RAB33A: variants seen among roughly 807,000 people sequenced by gnomAD.
The protein encoded by RAB33A is ras-related protein Rab-33A.
A neutral mutation model predicts 12.0 loss-of-function variants in RAB33A; 6 were observed. The observed-to-expected ratio is 0.50, with a 90% CI of 0.27 to 0.99. The LOEUF (loss-of-function observed/expected upper bound fraction) is 0.99, where lower values mean the gene tolerates loss of function less well. Ranked by LOEUF, RAB33A falls within the 50% of genes least tolerant of loss-of-function variation. The probability of loss-of-function intolerance (pLI) is 0.11; values close to 1 mark genes in which losing one functional copy is unlikely to be tolerated. For synonymous variants in RAB33A, 70 were observed against 82.4 expected, an observed-to-expected ratio of 0.85 and a Z score of 0.81; for missense variants, 109 against 192.0, an observed-to-expected ratio of 0.57 and a Z score of 2.55.
chrX:130,129,406 A>T, the RAB33A span: 2 of 511,668 alleles, frequency 3.9e-6, no homozygotes, highest in Non-Finnish European at 7.0e-6. Context: ...GTGAACATTA[A>T]GAATTTACCT....
At chrX:130,183,424 G>A (rs1254916212) in intron 1 of RAB33A, among the ~76,000 whole-genome samples, 4 of 108,196 alleles carry the variant, frequency 3.7e-5, no homozygotes, top group Admixed American at 9.9e-5. Context: ...GCGTGGTGGC[G>A]GGCACCTGTG....
the RAB33A span, chrX:130,147,708 G>A: frequency 1.7e-6 from 2 of 1,211,735 alleles, no homozygotes; most frequent in South Asian, 1.8e-5. Flanking sequence ...CTAAATGCTT[G>A]CAGACTGTAC....
At chrX:130,165,835 G>A in the RAB33A span, 1 of 497,304 alleles carries the variant, frequency 2.0e-6, no homozygotes, top group South Asian at 2.7e-5. Flanking sequence ...AGCCGGGGAA[G>A]GGGAACGGCG....
the RAB33A span, among the ~76,000 whole-genome samples, chrX:130,117,145 C>T: frequency 1.8e-5 from 2 of 111,946 alleles, no homozygotes; most frequent in Non-Finnish European, 3.8e-5. Flanking sequence ...ACCTGGGAGG[C>T]GGAGCTTGCA....
At chrX:130,145,463 C>T in the RAB33A span, 85 of 1,172,273 alleles carry the variant, frequency 7.3e-5, no homozygotes, top group Non-Finnish European at 8.4e-5. Flanking sequence ...ACAAAAGAAG[C>T]GGTCTACTAG....
At chrX:130,141,298 A>G in the RAB33A span, among the ~76,000 whole-genome samples, 3 of 111,900 alleles carry the variant, frequency 2.7e-5, no homozygotes, top group East Asian at 2.8e-4. Flanking sequence ...TTAGGCAGTC[A>G]TATGTTGGAA....
chrX:130,136,849 T>C, the RAB33A span: 736 of 1,010,938 alleles, frequency 7.3e-4, 8 homozygotes, highest in African/African-American at 0.012. Context: ...CACAGGCAGT[T>C]TTGGAGAGCT....
At chrX:130,138,648 C>G in the RAB33A span, 1 of 1,208,788 alleles carries the variant, frequency 8.3e-7, no homozygotes, top group South Asian at 1.8e-5. Context: ...CACCGATAAT[C>G]GTAATTGATT....
At chrX:130,135,071 A>G in the RAB33A span, among the ~76,000 whole-genome samples, 8 of 107,436 alleles carry the variant, frequency 7.4e-5, no homozygotes, top group Non-Finnish European at 1.3e-4. Context: ...TTCTACATTG[A>G]CCACATATTA....
the RAB33A span, among the ~76,000 whole-genome samples, chrX:130,146,267 G>A: frequency 1.8e-5 from 2 of 110,122 alleles, no homozygotes; most frequent in Non-Finnish European, 3.8e-5. Context: ...GCAACATCTC[G>A]TCTCTAGAAA....
the RAB33A span, among the ~76,000 whole-genome samples, chrX:130,132,499 G>A: frequency 8.9e-6 from 1 of 112,464 alleles, no homozygotes; most frequent in African/African-American, 3.2e-5. Flanking sequence ...AATTTGAGAT[G>A]TTTTATGGCT....
At chrX:130,180,648 G>A (rs1380593230) in intron 1 of RAB33A, among the ~76,000 whole-genome samples, 1 of 104,774 alleles carries the variant, frequency 9.5e-6, no homozygotes, top group Non-Finnish European at 2.0e-5. Flanking sequence ...GGTAGAGACG[G>A]GGTTTAACTG....
At chrX:130,118,984 C>T in the RAB33A span, among the ~76,000 whole-genome samples, 1 of 111,627 alleles carries the variant, frequency 9.0e-6, no homozygotes, top group African/African-American at 3.3e-5. Context: ...TACATTTTTT[C>T]CTCGTCGCTG....
chrX:130,134,032 T>G, the RAB33A span, among the ~76,000 whole-genome samples: 1 of 110,292 alleles, frequency 9.1e-6, no homozygotes, highest in Non-Finnish European at 1.9e-5. Flanking sequence ...CACAAGGAGT[T>G]CGAGACAAGC....
chrX:130,158,174 G>T, the RAB33A span, among the ~76,000 whole-genome samples: 1 of 110,485 alleles, frequency 9.1e-6, no homozygotes, highest in Admixed American at 9.7e-5. Flanking sequence ...TGAGGCAGGA[G>T]AATAGCTTGA....
the RAB33A span, chrX:130,130,179 C>A: frequency 8.3e-7 from 1 of 1,210,936 alleles, no homozygotes; most frequent in Non-Finnish European, 1.1e-6. Flanking sequence ...GTGGCCAGCC[C>A]CCAAAACAAA....
chrX:130,168,316 G>A (rs2031567876), upstream of RAB33A, among the ~76,000 whole-genome samples: 2 of 106,904 alleles, frequency 1.9e-5, no homozygotes, highest in Non-Finnish European at 3.9e-5. Flanking sequence ...CCAGGTTCAA[G>A]CAATTCTCCT....
At chrX:130,136,435 T>C in the RAB33A span, among the ~76,000 whole-genome samples, 10 of 112,296 alleles carry the variant, frequency 8.9e-5, no homozygotes, top group South Asian at 3.7e-3. Context: ...ACAGATAGAA[T>C]GGGGCTAAGG....
the RAB33A span, chrX:130,133,557 A>AGTT: frequency 1.0e-6 from 1 of 1,000,662 alleles, no homozygotes; most frequent in East Asian, 3.0e-5. Flanking sequence ...TTGTAATGGT[A>AGTT]ACTAATTCAT....
Sources: allele counts gnomAD v4.1 joint callset (sites outside exome capture counted in the v4.1 genomes callset), GRCh38; gene constraint gnomAD v4.1.1; transcripts MANE v1.5; gene names NCBI Gene and HGNC (gene_info 2026-07-23, HGNC 2026-07-21).